The following MCOLN2 variants were observed in gnomAD, a reference collection of about 807,000 sequenced individuals.
The protein encoded by MCOLN2 is mucolipin TRP cation channel 2.
Under a neutral mutation model 67.5 loss-of-function variants are expected in MCOLN2, and 57 were observed. The ratio of observed to expected loss-of-function variants is 0.84; its 90% confidence interval spans 0.68 to 1.05. The LOEUF is 1.05. Ranked by LOEUF, MCOLN2 falls within the 50% of genes least tolerant of loss-of-function variation. The pLI, the probability that MCOLN2 is intolerant of heterozygous loss-of-function variation, is 0.00. For missense variants in MCOLN2, 620 were observed against 678.8 expected (o/e 0.91, Z 0.96); for synonymous variants, 246 against 233.3 (o/e 1.05, Z -0.50).
intron 1 of MCOLN2, among the ~76,000 whole-genome samples, chr1:84,988,793 A>G (rs1286037589): frequency 6.6e-6 from 1 of 152,108 alleles, no homozygotes; most frequent in African/African-American, 2.4e-5. Context: ...ACAACTGCTA[A>G]AAGACTCCTG....
At position 84,952,476 on chromosome 1, in the gene MCOLN2, T is replaced by C. The variant is rs750507733; in HGVS notation, c.620A>G (p.Asn207Ser). The C allele has an allele frequency of 1.1e-5, 17 of 1,613,154 alleles. No individual in the cohort carries two copies. In the South Asian group the frequency reaches 1.5e-4, roughly 15 times the overall value. Residue 207 changes from asparagine to serine, a missense_variant, in exon 5 of 14, where the codon AAC becomes AGC. Transcript: ENST00000370608. The stretch of plus-strand genomic sequence containing the variant: ...AAATTCCAGTCTGAAGAATGATGAG[T>C]TCTTCCAGTCCGGAGGCTTCTTGGA... The part of the protein sequence containing the change: ...DLSKKPPDWK[N>S]SSFFRLEFYR...
chr1:84,976,365 C>T (rs1485952451), intron 1 of MCOLN2, among the ~76,000 whole-genome samples: 1 of 152,106 alleles, frequency 6.6e-6, no homozygotes, highest in Non-Finnish European at 1.5e-5. Flanking sequence ...ACCTTAAAGG[C>T]CAAGAGTGAG....
At chr1:84,989,973 T>G (rs1650801197) in intron 1 of MCOLN2, among the ~76,000 whole-genome samples, 1 of 152,110 alleles carries the variant, frequency 6.6e-6, no homozygotes, top group Admixed American at 6.6e-5. Context: ...GGATTGGCAC[T>G]TGGGCAGTAT....
chr1:84,966,602 T>G (rs2102860108), intron 1 of MCOLN2, among the ~76,000 whole-genome samples: 1 of 152,306 alleles, frequency 6.6e-6, no homozygotes, highest in African/African-American at 2.4e-5. Flanking sequence ...TTGGATAAAA[T>G]ATCAGTGATT....
At chr1:84,939,821 C>T (rs1199502387) in intron 8 of MCOLN2, 119 bp from the exon 9 acceptor site, 7 of 993,716 alleles carry the variant, frequency 7.0e-6, no homozygotes, top group Non-Finnish European at 1.1e-5. Context: ...TTCCAATTTG[C>T]CAGATCCACC....
Position 84,931,585 on chromosome 1 carries a change from A to G in MCOLN2, c.1336-17T>C, listed in dbSNP as rs375195713. On this transcript the variant is annotated splice_polypyrimidine_tract_variant and intron_variant, in intron 11 of 13. Coordinates refer to ENST00000370608, the MANE Select transcript of MCOLN2 (RefSeq NM_153259.4). ...ATTTTCAAACTGTAGGGGGAAATAAAAACTAGTTTCTGAAATAGAGTATTC... is the reference window on the plus strand; with the variant it reads ...ATTTTCAAACTGTAGGGGGAAATAAGAACTAGTTTCTGAAATAGAGTATTC... The G allele has an allele frequency of 8.3e-5, 132 of 1,599,234 alleles. No homozygotes were observed. In the East Asian group the frequency reaches 9.4e-4, roughly 11 times the overall value.
chr1:84,927,809 G>A (rs72944567), intron 13 of MCOLN2, among the ~76,000 whole-genome samples: 8,077 of 152,112 alleles, frequency 0.053, 213 homozygotes, highest in Middle Eastern at 0.075. Flanking sequence ...TTTAAGAGGC[G>A]GGGTCTCACT....
At chr1:84,975,562 G>A (rs1649953992) in intron 1 of MCOLN2, among the ~76,000 whole-genome samples, 1 of 152,140 alleles carries the variant, frequency 6.6e-6, no homozygotes, top group Admixed American at 6.5e-5. Context: ...AAGAAGGACA[G>A]ATAATAAAAG....
At chr1:84,963,763 GC>G (rs1649225296) in intron 2 of MCOLN2, among the ~76,000 whole-genome samples, 1 of 152,096 alleles carries the variant, frequency 6.6e-6, no homozygotes, top group Non-Finnish European at 1.5e-5. Context: ...GTTTCCTGAG[GC>G]CTCACCAGCC....
intron 1 of MCOLN2, among the ~76,000 whole-genome samples, chr1:84,984,823 G>A (rs796911240): frequency 5.3e-5 from 8 of 152,158 alleles, no homozygotes; most frequent in African/African-American, 1.4e-4. Context: ...GGCAAAACCC[G>A]TCTGTACTAA....
At position 84,942,507 on chromosome 1, in the gene MCOLN2, C is replaced by G. The variant is rs1251739669; in HGVS notation, c.848-1516G>C. Among the ~76,000 whole-genome samples, 2 of 152,122 alleles carry G rather than the reference C, an allele frequency of 1.3e-5. 1 individual carries two copies. The highest frequency in any genetic ancestry group is 1.3e-4 in the Admixed American group (2 of 15,270). On this transcript the variant is annotated intron_variant, in intron 7 of 13. Coordinates refer to ENST00000370608, the MANE Select transcript of MCOLN2 (RefSeq NM_153259.4). ...TGTGAAAATTATGCAAGTTCATATA[C>G]AAAGAGCCCATGAAACAGCCCCAGG...
At chr1:84,938,610 G>A (rs1346269196) in intron 9 of MCOLN2, among the ~76,000 whole-genome samples, 2 of 152,174 alleles carry the variant, frequency 1.3e-5, no homozygotes, top group African/African-American at 4.8e-5. Flanking sequence ...CATCACAGAG[G>A]GACACCACAG....
At chr1:84,936,168 A>T (rs1211306569) in intron 11 of MCOLN2, among the ~76,000 whole-genome samples, 4 of 152,200 alleles carry the variant, frequency 2.6e-5, no homozygotes, top group Admixed American at 6.5e-5. Context: ...GGAAGGGTTA[A>T]CACAGCAAGG....
At chr1:84,941,445 C>T (rs1215062544) in intron 7 of MCOLN2, among the ~76,000 whole-genome samples, 1 of 152,118 alleles carries the variant, frequency 6.6e-6, no homozygotes, top group Non-Finnish European at 1.5e-5. Flanking sequence ...TGCAGTGAGC[C>T]GAGATCGTGC....
At chr1:84,952,135 C>T (rs972631172) in intron 6 of MCOLN2, 108 bp downstream of exon 6, 2 of 680,172 alleles carry the variant, frequency 2.9e-6, no homozygotes, top group Non-Finnish European at 5.0e-6. Flanking sequence ...CTGTTTTAAA[C>T]ATGACTGCAT....
chr1:84,991,638 C>A (rs1420141847), intron 1 of MCOLN2, among the ~76,000 whole-genome samples: 1 of 152,290 alleles, frequency 6.6e-6, no homozygotes, highest in East Asian at 1.9e-4. Flanking sequence ...TCCATTAGAG[C>A]CACTCATGAA....
At chr1:84,962,322 G>A (rs1195020803) in intron 2 of MCOLN2, among the ~76,000 whole-genome samples, 1 of 152,148 alleles carries the variant, frequency 6.6e-6, no homozygotes, top group African/African-American at 2.4e-5. Flanking sequence ...AAGGTGAGAG[G>A]ACTGTTTGAA....
At chr1:84,981,444 G>T (rs577821267) in intron 1 of MCOLN2, among the ~76,000 whole-genome samples, 1 of 152,254 alleles carries the variant, frequency 6.6e-6, no homozygotes, top group Admixed American at 6.5e-5. Flanking sequence ...AGAAAATGTG[G>T]TACATACACA....
intron 6 of MCOLN2, among the ~76,000 whole-genome samples, chr1:84,950,154 A>C (rs997121504): frequency 1.3e-5 from 2 of 152,232 alleles, no homozygotes; most frequent in Non-Finnish European, 2.9e-5. Flanking sequence ...TAAAGACATA[A>C]ATTAAGGCAA....
Sources: allele counts gnomAD v4.1 joint callset (sites outside exome capture counted in the v4.1 genomes callset), GRCh38; gene constraint gnomAD v4.1.1; transcripts MANE v1.5; gene names NCBI Gene and HGNC (gene_info 2026-07-23, HGNC 2026-07-21).